PDSS2: variants seen among roughly 807,000 people sequenced by gnomAD.
The protein encoded by PDSS2 is all trans-polyprenyl-diphosphate synthase PDSS2.
Under a neutral mutation model 44.5 loss-of-function variants are expected in PDSS2, and 31 were observed. The ratio of observed to expected loss-of-function variants is 0.70; its 90% CI spans 0.52 to 0.94. The LOEUF (loss-of-function observed/expected upper bound fraction) is 0.94, where lower values mean the gene tolerates loss of function less well. Ranked by LOEUF, PDSS2 falls within the 40% of genes least tolerant of loss-of-function variation. The pLI is 0.00. For synonymous variants in PDSS2, 157 were observed against 180.3 expected, an observed-to-expected ratio of 0.87 and a Z score of 1.03; for missense variants, 452 against 482.2, an observed-to-expected ratio of 0.94 and a Z score of 0.59.
intron 1 of PDSS2, among the ~76,000 whole-genome samples, chr6:107,359,619 G>A (rs1384896874): frequency 1.5e-5 from 2 of 135,416 alleles, no homozygotes; most frequent in African/African-American, 2.8e-5. Flanking sequence ...GCAAAAGAAT[G>A]TGTTTAAAAA....
At chr6:107,226,966 C>T (rs1032804471) in intron 4 of PDSS2, among the ~76,000 whole-genome samples, 1 of 150,856 alleles carries the variant, frequency 6.6e-6, no homozygotes, top group Non-Finnish European at 1.5e-5. Context: ...CCACCGCGCC[C>T]GGCCCAGCCA....
intron 3 of PDSS2, among the ~76,000 whole-genome samples, chr6:107,261,314 G>A (rs1775214656): frequency 1.3e-5 from 2 of 152,176 alleles, no homozygotes; most frequent in Admixed American, 6.5e-5. Context: ...CTTATGGCTT[G>A]GTGCTGTCTT....
chr6:107,386,086 T>C (rs928344044), intron 1 of PDSS2, among the ~76,000 whole-genome samples: 3 of 152,156 alleles, frequency 2.0e-5, no homozygotes, highest in African/African-American at 7.2e-5. Context: ...TAAAAAGGCA[T>C]CTTTGAGAAA....
intron 7 of PDSS2, among the ~76,000 whole-genome samples, chr6:107,177,718 T>G (rs939046654): frequency 6.6e-6 from 1 of 152,202 alleles, no homozygotes; most frequent in African/African-American, 2.4e-5. Flanking sequence ...GTAAAGCTTT[T>G]TAGCAAACTC....
chr6:107,248,769 A>G (rs750595673), intron 3 of PDSS2, among the ~76,000 whole-genome samples: 23 of 152,234 alleles, frequency 1.5e-4, no homozygotes, highest in Non-Finnish European at 2.9e-4. Flanking sequence ...TGTAAACTTG[A>G]AAACTCCTTT....
At position 107,235,823 on chromosome 6, in the gene PDSS2, A is replaced by G. The variant is rs1016929628; in HGVS notation, c.702+9725T>C. Among the ~76,000 whole-genome samples, 10 of 152,226 alleles carry G rather than the reference A, an allele frequency of 6.6e-5. 1 individual carries two copies. The highest frequency in any genetic ancestry group is 3.3e-4 in the Admixed American group (5 of 15,272). ...TATTCCATATGGCCAAGGAGCTAGA[A>G]GAAACACTGAGCATATTAAGTAGAA... On this transcript the variant is annotated intron_variant, in intron 4 of 7. Transcript: ENST00000369037.
chr6:107,382,767 G>A (rs1422944951), intron 1 of PDSS2, among the ~76,000 whole-genome samples: 1 of 152,038 alleles, frequency 6.6e-6, no homozygotes, highest in Non-Finnish European at 1.5e-5. Context: ...AGCTTAGGAT[G>A]TCGAGGCTAC....
intron 1 of PDSS2, among the ~76,000 whole-genome samples, chr6:107,378,691 CAGG>C (rs2114445532): frequency 6.6e-6 from 1 of 152,236 alleles, no homozygotes; most frequent in African/African-American, 2.4e-5. Flanking sequence ...GGGGCTGAGG[CAGG>C]AGAATAGCTT....
chr6:107,406,045 T>C (rs996666909), intron 1 of PDSS2, among the ~76,000 whole-genome samples: 1 of 152,108 alleles, frequency 6.6e-6, no homozygotes, highest in Admixed American at 6.5e-5. Context: ...CCTCCTATAT[T>C]AATACAAAAT....
intron 1 of PDSS2, among the ~76,000 whole-genome samples, chr6:107,422,016 A>C (rs1165284302): frequency 1.3e-5 from 2 of 151,650 alleles, no homozygotes; most frequent in Non-Finnish European, 2.9e-5. Context: ...ACTTCCTGTA[A>C]GTCAGTAATT....
intron 2 of PDSS2, among the ~76,000 whole-genome samples, chr6:107,304,498 A>G (rs1337054898): frequency 6.6e-6 from 1 of 152,220 alleles, no homozygotes; most frequent in African/African-American, 2.4e-5. Flanking sequence ...TTCTAGAGCC[A>G]GGTTGCCTAG....
At position 107,432,319 on chromosome 6, in the gene PDSS2, C is replaced by T. The variant is rs1441592759; in HGVS notation, c.296+26671G>A. On this transcript the variant is annotated intron_variant, in intron 1 of 7. Coordinates refer to ENST00000369037, the MANE Select transcript of PDSS2 (RefSeq NM_020381.4). ...TCATTTAACAAATGAGCCCACTATT[C>T]AAACATACATTCAAAAGCAAAAACA... Among the ~76,000 whole-genome samples the T allele has an allele frequency of 3.3e-5, 5 of 152,180 alleles. No homozygotes were observed. In the East Asian group the frequency reaches 9.6e-4, roughly 29 times the overall value.
intron 6 of PDSS2, 27 bp from the exon 7 acceptor site, chr6:107,193,881 T>C: frequency 6.7e-7 from 1 of 1,494,142 alleles, no homozygotes; most frequent in Non-Finnish European, 9.3e-7. Context: ...GAAAATTAAT[T>C]TGTTACTTCT....
intron 1 of PDSS2, among the ~76,000 whole-genome samples, chr6:107,429,937 T>TATAC (rs1316596170): frequency 4.0e-5 from 4 of 99,650 alleles, no homozygotes; most frequent in African/African-American, 1.5e-4. Context: ...TATATATATA[T>TATAC]ACACCAAACC....
At chr6:107,444,446 A>C (rs1781605056) in intron 1 of PDSS2, among the ~76,000 whole-genome samples, 1 of 152,294 alleles carries the variant, frequency 6.6e-6, no homozygotes, top group Non-Finnish European at 1.5e-5. Flanking sequence ...TGTGAACCCA[A>C]ACAGTCTGAT....
intron 4 of PDSS2, among the ~76,000 whole-genome samples, chr6:107,236,281 A>G (rs764510585): frequency 2.6e-5 from 4 of 152,208 alleles, no homozygotes; most frequent in Non-Finnish European, 2.9e-5. Flanking sequence ...TCCAGTGAAC[A>G]TATATTTCAG....
In PDSS2 at chr6:107,209,672, C is replaced by T. The variant is rs986020340; in HGVS notation, c.1008+767G>A. 2.0e-5 allele frequency among the ~76,000 whole-genome samples: 3 copies of T among 150,704 alleles called. No homozygotes were observed. The Admixed American group carries it at 2.0e-4, about 10-fold the overall frequency. On this transcript the variant is annotated intron_variant, in intron 6 of 7. Transcript: ENST00000369037. ...AGCTCAAGTGATCCTCCTGCCTTGGCATCTCAAAGTGCTGGGATTACAGGC... is the reference window on the plus strand; with the variant it reads ...AGCTCAAGTGATCCTCCTGCCTTGGTATCTCAAAGTGCTGGGATTACAGGC...
chr6:107,375,377 C>T (rs936966931), intron 1 of PDSS2, among the ~76,000 whole-genome samples: 26 of 152,134 alleles, frequency 1.7e-4, no homozygotes, highest in African/African-American at 5.8e-4. Context: ...TTAGAAATAT[C>T]AGCAATGAAG....
At chr6:107,435,147 T>C (rs1005578142) in intron 1 of PDSS2, among the ~76,000 whole-genome samples, 4 of 152,096 alleles carry the variant, frequency 2.6e-5, no homozygotes, top group African/African-American at 9.6e-5. Flanking sequence ...AGTGTGGTGT[T>C]ACACATCTGT....
Sources: gnomAD v4.1 joint callset for allele counts (sites outside exome capture counted in the v4.1 genomes callset) on GRCh38, gnomAD v4.1.1 for gene constraint, MANE v1.5 for transcripts, NCBI Gene and HGNC (gene_info 2026-07-23, HGNC 2026-07-21) for gene names.